Variants in SPDYE18 observed in about 807,000 individuals in gnomAD.
SPDYE18 encodes the protein speedy protein E18.
A neutral mutation model predicts 44.9 loss-of-function variants in SPDYE18; 6 were observed. That is an observed-to-expected ratio of 0.13 (90% confidence interval 0.07 to 0.26). SPDYE18 has a LOEUF of 0.26. Ranked by LOEUF, SPDYE18 falls within the 10% of genes least tolerant of loss-of-function variation. The pLI is 1.00. For missense variants in SPDYE18, 121 were observed against 463.2 expected (o/e 0.26, Z 6.78); for synonymous variants, 35 against 177.1 (o/e 0.20, Z 6.37).
chr7:77,062,451 A>AC (rs1790033064), intron 1 of SPDYE18, among the ~76,000 whole-genome samples, 45 bp downstream of exon 1: 1 of 151,906 alleles, frequency 6.6e-6, no homozygotes, highest in Non-Finnish European at 1.5e-5. Flanking sequence ...CTCTGATTTA[A>AC]CCCATCTTCA....
intron 3 of SPDYE18, among the ~76,000 whole-genome samples, chr7:77,058,117 T>TG (rs1491502957): frequency 1.5e-4 from 3 of 19,778 alleles, no homozygotes; most frequent in Non-Finnish European, 2.3e-4. Context: ...TCTGAGTCTC[T>TG]TTTTTTTTTT....
At chr7:77,052,339 G>A (rs1192115329) in intron 8 of SPDYE18, among the ~76,000 whole-genome samples, 1 of 152,134 alleles carries the variant, frequency 6.6e-6, no homozygotes, top group Non-Finnish European at 1.5e-5. Flanking sequence ...TGCTCACCGT[G>A]GTTAGCTGCA....
At chr7:77,054,928 C>T (rs1275144275) in intron 6 of SPDYE18, among the ~76,000 whole-genome samples, 56 of 152,206 alleles carry the variant, frequency 3.7e-4, no homozygotes, top group Admixed American at 1.9e-3. Flanking sequence ...CCACCACGCC[C>T]AGCTAATTTT....
rs1231870188 is a variant in SPDYE18 at position 77,060,352 on chromosome 7, C to G, written c.160+1G>C. ...ACCTCTTCTTCCACCAGTCCCCTCA[C>G]CTGATGGTCCCAACACTTCATCATC... On this transcript the variant is annotated splice_donor_variant, in intron 2 of 8. Transcript: ENST00000510091. LOFTEE classifies it high-confidence loss of function. The G allele has an allele frequency of 6.5e-7, 1 of 1,535,306 alleles. No individual in the cohort carries two copies. The highest frequency in any genetic ancestry group is 2.4e-5 in the East Asian group (1 of 40,916).
In SPDYE18 at chr7:77,051,819, T is replaced by C. The variant is rs528601348; in HGVS notation, c.*106A>G. Among the ~76,000 whole-genome samples the C allele has an allele frequency of 1.1e-4, 17 of 152,012 alleles. No individual in the cohort carries two copies. Among genetic ancestry groups the C allele is most frequent in the African/African-American group, 4.1e-4 (17 of 41,560 alleles). ...GGTTCCTCTCCTCTTTCCTGTTGTC[T>C]GCCATTAGCATTGGAATAAAGTTCC... is the stretch of plus-strand genomic sequence containing the variant. On this transcript the variant is annotated 3_prime_UTR_variant, in exon 9 of 9. Coordinates refer to ENST00000510091, the MANE Select transcript of SPDYE18 (RefSeq NM_001394953.1).
rs180678427 is a variant in SPDYE18 at position 77,060,368 on chromosome 7, C to T, written c.145G>A (p.Val49Met). 37 of 1,535,502 alleles carry T rather than the reference C, an allele frequency of 2.4e-5. No individual in the cohort carries two copies. The East Asian group carries it at 8.8e-4, about 37-fold the overall frequency. The change falls in exon 2 of 9, where the codon GTG becomes ATG. Residue 49 changes from valine to methionine, a missense_variant. Physicochemically the swap from Val to Met is conservative, Grantham distance 21 (BLOSUM62 1). Coordinates refer to ENST00000510091, the MANE Select transcript of SPDYE18 (RefSeq NM_001394953.1). ...GTCCCCTCACCTGATGGTCCCAACA[C>T]TTCATCATCCACCACCTCCTGGAGG... ...YPLQEVVDDE[V>M]LGPSAPGVDP... is the part of the protein sequence containing the mutation.
At position 77,052,340 on chromosome 7, in the gene SPDYE18, G is replaced by T. The variant is rs1479330413; in HGVS notation, c.*45+393C>A. On this transcript the variant is annotated intron_variant, in intron 8 of 8. Transcript: ENST00000510091. ...AGTCTCATGCTCTGTGCTCACCGTG[G>T]TTAGCTGCACAAGATGTAAACCAAA... 7.9e-5 allele frequency among the ~76,000 whole-genome samples: 12 copies of T among 152,252 alleles called. No homozygotes were observed. In the South Asian group the frequency reaches 2.5e-3, roughly 32 times the overall value.
chr7:77,059,625 C>T (rs1789987894), intron 2 of SPDYE18, among the ~76,000 whole-genome samples: 2 of 151,556 alleles, frequency 1.3e-5, no homozygotes, highest in Non-Finnish European at 2.9e-5. Flanking sequence ...CTTCCCTGGT[C>T]TCTGGCTCTC....
Position 77,050,829 on chromosome 7 carries a change from A to G in SPDYE18, c.*1096T>C, listed in dbSNP as rs1304550500. Among the ~76,000 whole-genome samples, 8 of 151,242 alleles carry G rather than the reference A, an allele frequency of 5.3e-5. No individual in the cohort carries two copies. Among genetic ancestry groups the G allele is most frequent in the Non-Finnish European group, 1.0e-4 (7 of 67,834 alleles). On this transcript the variant is annotated 3_prime_UTR_variant, in exon 9 of 9. Coordinates refer to ENST00000510091, the MANE Select transcript of SPDYE18 (RefSeq NM_001394953.1). ...ACACCCATCACACAGCTTTATAGAA[A>G]CAGCATCTATTCAAAAATACCAGTA...
At chr7:77,062,249 G>C (rs557810979) in intron 1 of SPDYE18, among the ~76,000 whole-genome samples, 63 of 145,372 alleles carry the variant, frequency 4.3e-4, no homozygotes, top group African/African-American at 1.5e-3. Flanking sequence ...CATTGCTGTG[G>C]AAGTCCCATT....
chr7:77,053,638 G>A (rs556217591), intron 6 of SPDYE18, among the ~76,000 whole-genome samples: 16 of 152,374 alleles, frequency 1.1e-4, no homozygotes, highest in Admixed American at 6.5e-4. Context: ...CCAGGAGTTG[G>A]AGACCAGCCT....
At chr7:77,054,977 A>G (rs1421700351) in intron 6 of SPDYE18, among the ~76,000 whole-genome samples, 6 of 152,212 alleles carry the variant, frequency 3.9e-5, no homozygotes, top group Non-Finnish European at 8.8e-5. Flanking sequence ...CATGTTGGCC[A>G]GGCTGGTCTC....
chr7:77,051,679 C>T lies in SPDYE18; in HGVS notation c.*246G>A, dbSNP rs1408019953. On this transcript the variant is annotated 3_prime_UTR_variant, in exon 9 of 9. Transcript: ENST00000510091. The stretch of plus-strand genomic sequence containing the variant: ...CTGTTTTCTTACTTTTCTCCAAGGA[C>T]TCCTAGAAGGACCCCACCCCCCTCC... 6.6e-6 allele frequency among the ~76,000 whole-genome samples: 1 copy of T among 152,074 alleles called. No individual in the cohort carries two copies. The highest frequency in any genetic ancestry group is 1.5e-5 in the Non-Finnish European group (1 of 68,000).
At position 77,057,495 on chromosome 7, in the gene SPDYE18, A is replaced by G. The variant is rs1289000837; in HGVS notation, c.610+142T>C. 1.3e-5 allele frequency: 8 copies of G among 595,692 alleles called. No homozygotes were observed. The East Asian group carries it at 2.2e-4, about 17-fold the overall frequency. The allele number at this position is 595,692 out of a possible 1,614,324, so 36.9% of individuals were successfully genotyped here. A position where few individuals can be genotyped will look rare whatever the true frequency, so the allele number is the denominator to read the frequency against. On this transcript the variant is annotated intron_variant, in intron 4 of 8. Coordinates refer to ENST00000510091, the MANE Select transcript of SPDYE18 (RefSeq NM_001394953.1). Reference sequence around the variant, plus strand: ...CTTTATCATCTCCTAAGTGTCCCTCATGAGTGATCACTTCACATTCCTCCC... The same window carrying G: ...CTTTATCATCTCCTAAGTGTCCCTCGTGAGTGATCACTTCACATTCCTCCC...
intron 3 of SPDYE18, among the ~76,000 whole-genome samples, chr7:77,058,501 CTTTTTTTT>C (rs1158671945): frequency 5.3e-5 from 3 of 56,100 alleles, no homozygotes; most frequent in African/African-American, 7.0e-5. Context: ...TTCCTTCCTT[CTTTTTTTT>C]TTTTTTTTTT....
At position 77,060,444 on chromosome 7, in the gene SPDYE18, T is replaced by A; in HGVS notation, c.69A>T (p.Gln23His). The A allele has an allele frequency of 1.3e-6, 2 of 1,535,476 alleles. No individual in the cohort carries two copies. The highest frequency in any genetic ancestry group is 2.4e-5 in the South Asian group (2 of 83,972). Reference sequence around the variant, plus strand: ...GACTCTGCTCATTCTGGGGGTGCGGTTGACGGCTGGTCGTGATCTTTCCCG... The same window carrying A: ...GACTCTGCTCATTCTGGGGGTGCGGATGACGGCTGGTCGTGATCTTTCCCG... ...QITGKITTSR[Q>H]PHPQNEQSLQ... Residue 23 changes from glutamine (Q) to histidine (H), a missense_variant, in exon 2 of 9, where the codon CAA (glutamine) becomes CAT (histidine). Physicochemically the swap from Gln to His is conservative, Grantham distance 24. Coordinates refer to ENST00000510091, the MANE Select transcript of SPDYE18 (RefSeq NM_001394953.1).
intron 6 of SPDYE18, among the ~76,000 whole-genome samples, chr7:77,054,763 T>C (rs1309469570): frequency 7.3e-6 from 1 of 137,488 alleles, no homozygotes; most frequent in Non-Finnish European, 1.6e-5. Context: ...GAGTTTGTTT[T>C]TTTGGCTTTT....
In SPDYE18 at chr7:77,051,739, C is replaced by G. The variant is rs1396381238; in HGVS notation, c.*186G>C. Among the ~76,000 whole-genome samples, 3 of 143,610 alleles carry G rather than the reference C, an allele frequency of 2.1e-5. No homozygotes were observed. Among genetic ancestry groups the G allele is most frequent in the Non-Finnish European group, 4.5e-5 (3 of 66,234 alleles). 94.2% of individuals were successfully genotyped at this position (143,610 alleles called of 152,430 possible). A position where few individuals can be genotyped will look rare whatever the true frequency, so the allele number is the denominator to read the frequency against. Reference sequence around the variant, plus strand: ...TGCTCCCAGGAGGACAACGTGATCACTGTATTCAGCTCCATCAAGAATGGT... The same window carrying G: ...TGCTCCCAGGAGGACAACGTGATCAGTGTATTCAGCTCCATCAAGAATGGT... On this transcript the variant is annotated 3_prime_UTR_variant, in exon 9 of 9. Transcript: ENST00000510091.
intron 3 of SPDYE18, among the ~76,000 whole-genome samples, chr7:77,058,151 A>C (rs1198644216): frequency 3.0e-5 from 3 of 100,560 alleles, no homozygotes; most frequent in African/African-American, 7.9e-5. Context: ...GTTGTTGTTG[A>C]GAAACAGTCT....
Sources: allele counts gnomAD v4.1 joint callset (sites outside exome capture counted in the v4.1 genomes callset), GRCh38; gene constraint gnomAD v4.1.1; transcripts MANE v1.5; gene names NCBI Gene and HGNC (gene_info 2026-07-23, HGNC 2026-07-21).